The following TNPO3 variants were observed in gnomAD, a reference collection of about 807,000 sequenced individuals.
TNPO3 encodes the protein transportin 3.
A neutral mutation model predicts 122.8 loss-of-function variants in TNPO3; 65 were observed. The ratio of observed to expected loss-of-function variants is 0.53; its 90% CI spans 0.43 to 0.65. The LOEUF is 0.65. TNPO3 is among the 30% of genes least tolerant of loss of function. TNPO3 has a pLI of 0.00. For missense variants in TNPO3, 850 were observed against 1,136.7 expected, an observed-to-expected ratio of 0.75 and a Z score of 3.63; for synonymous variants, 372 against 411.2, an observed-to-expected ratio of 0.90 and a Z score of 1.15.
intron 16 of TNPO3, among the ~76,000 whole-genome samples, chr7:128,978,757 G>A (rs1274973608): frequency 1.3e-5 from 2 of 151,962 alleles, no homozygotes; most frequent in African/African-American, 4.8e-5. Context: ...TCAGCCTCCC[G>A]AGTAGCTAGG....
At chr7:128,990,261 CA>C (rs1563095397) in intron 10 of TNPO3, 161 bp from the exon 11 acceptor site, 1 of 764,270 alleles carries the variant, frequency 1.3e-6, no homozygotes, top group Non-Finnish European at 2.2e-6. Context: ...TTCAAATCTT[CA>C]AAAAAGAGGA....
intron 19 of TNPO3, among the ~76,000 whole-genome samples, chr7:128,971,786 C>G (rs1201455247): frequency 6.6e-6 from 1 of 152,226 alleles, no homozygotes; most frequent in East Asian, 1.9e-4. Context: ...AATTCTACCT[C>G]TAATTCATGG....
intron 4 of TNPO3, among the ~76,000 whole-genome samples, chr7:129,012,016 T>G (rs1292872750): frequency 6.8e-6 from 1 of 147,832 alleles, no homozygotes; most frequent in East Asian, 1.9e-4. Flanking sequence ...TTTTTTTTTT[T>G]TTTTTTTGAG....
chr7:128,967,617 G>A (rs1029408057), intron 20 of TNPO3, among the ~76,000 whole-genome samples: 19 of 152,200 alleles, frequency 1.2e-4, no homozygotes, highest in African/African-American at 2.7e-4. Context: ...AAGGGGCAGC[G>A]GGCATCATTT....
chr7:128,969,422 C>T (rs908272512), intron 20 of TNPO3, among the ~76,000 whole-genome samples: 2 of 152,038 alleles, frequency 1.3e-5, no homozygotes, highest in Non-Finnish European at 2.9e-5. Context: ...TTCTGTAAGA[C>T]AGCTCACTTT....
intron 1 of TNPO3, among the ~76,000 whole-genome samples, chr7:129,049,061 T>C (rs1808390479): frequency 6.6e-6 from 1 of 152,202 alleles, no homozygotes; most frequent in South Asian, 2.1e-4. Context: ...GAGAAGCAGG[T>C]AAGCCTTGAA....
At chr7:129,004,238 G>A (rs937156590) in intron 5 of TNPO3, among the ~76,000 whole-genome samples, 1 of 152,028 alleles carries the variant, frequency 6.6e-6, no homozygotes, top group Non-Finnish European at 1.5e-5. Flanking sequence ...GAGTAATAGC[G>A]CATCGGCATA....
chr7:129,018,101 T>C lies in TNPO3; in HGVS notation c.177A>G (p.Ser59=), dbSNP rs1426633586. 5 of 1,614,072 alleles carry C rather than the reference T, an allele frequency of 3.1e-6. No individual in the cohort carries two copies. Among genetic ancestry groups the C allele is most frequent in the Non-Finnish European group, 4.2e-6 (5 of 1,180,046 alleles). Reference sequence around the variant, plus strand: ...TCATGGTCTGTGCAGCAAAATAGCATGACTCCACATCCTGCCGGATCTGTA... The same window carrying C: ...TCATGGTCTGTGCAGCAAAATAGCACGACTCCACATCCTGCCGGATCTGTA... ...QLLQIRQDVE[S]CYFAAQTMKM... is the part of the protein sequence containing the mutation. Residue 59 remains serine (S), a synonymous_variant, in exon 2 of 23, where the codon TCA becomes TCG. Transcript: ENST00000265388.
intron 21 of TNPO3, among the ~76,000 whole-genome samples, chr7:128,959,254 T>A (rs779330338): frequency 2.7e-4 from 41 of 152,202 alleles, no homozygotes; most frequent in Non-Finnish European, 5.6e-4. Flanking sequence ...GGGACTAGGA[T>A]AACAGAAAAC....
Position 128,982,279 on chromosome 7 carries a change from C to T in TNPO3, c.1828G>A (p.Val610Met). ...ATCACTGCAAGGCGATCTAAGAACA[C>T]TGTGGGATCTGAGGATATGCCATTG... ...PSNGISSDPTVFLDRLAVIFR... is the reference protein window; with the variant it reads ...PSNGISSDPTMFLDRLAVIFR... Residue 610 changes from valine (V) to methionine (M), a missense_variant, in exon 14 of 23, where the codon GTG becomes ATG. Transcript: ENST00000265388. 6.2e-7 allele frequency: 1 copy of T among 1,613,432 alleles called. No homozygotes were observed. Among genetic ancestry groups the T allele is most frequent in the East Asian group, 2.2e-5 (1 of 44,844 alleles).
At chr7:128,963,305 G>C (rs1021706885) in intron 21 of TNPO3, among the ~76,000 whole-genome samples, 11 of 152,120 alleles carry the variant, frequency 7.2e-5, no homozygotes, top group Admixed American at 7.2e-4. Flanking sequence ...TTTCCCCTAG[G>C]TTCCCATTTG....
intron 1 of TNPO3, among the ~76,000 whole-genome samples, chr7:129,043,909 G>A (rs991138516): frequency 2.2e-4 from 34 of 152,170 alleles, no homozygotes; most frequent in African/African-American, 7.7e-4. Flanking sequence ...CCAAAATACA[G>A]AAAATTTATC....
intron 21 of TNPO3, 25 bp downstream of exon 21, chr7:128,967,255 C>G (rs1357733972): frequency 1.4e-6 from 2 of 1,421,706 alleles, no homozygotes; most frequent in Non-Finnish European, 2.0e-6. Flanking sequence ...CCCACACCTC[C>G]TTAAGAACCC....
chr7:129,007,438 AT>A (rs1802699202), intron 4 of TNPO3, among the ~76,000 whole-genome samples: 1 of 152,232 alleles, frequency 6.6e-6, no homozygotes, highest in African/African-American at 2.4e-5. Flanking sequence ...AATATTATAC[AT>A]TATTATCAGT....
chr7:128,960,207 T>C (rs1797307204), intron 21 of TNPO3, among the ~76,000 whole-genome samples: 1 of 152,106 alleles, frequency 6.6e-6, no homozygotes, highest in South Asian at 2.1e-4. Flanking sequence ...CTGCCAGTCA[T>C]ATAAAAGGAC....
intron 1 of TNPO3, among the ~76,000 whole-genome samples, chr7:129,027,194 G>A (rs1805292803): frequency 6.6e-6 from 1 of 152,056 alleles, no homozygotes; most frequent in African/African-American, 2.4e-5. Context: ...TCTCTCTCAT[G>A]ACATTTATCG....
chr7:128,995,709 A>AT (rs1801236922), intron 8 of TNPO3, among the ~76,000 whole-genome samples: 1 of 127,588 alleles, frequency 7.8e-6, no homozygotes, highest in Non-Finnish European at 1.7e-5. Context: ...ACTTTATTTT[A>AT]TTTTTTTGAG....
chr7:128,961,168 C>T (rs561191882), intron 21 of TNPO3, among the ~76,000 whole-genome samples: 4 of 152,058 alleles, frequency 2.6e-5, no homozygotes, highest in South Asian at 2.1e-4. Context: ...TGTCCTAGGC[C>T]GCCTATTCAC....
At chr7:129,036,585 C>A (rs1174825426) in intron 1 of TNPO3, among the ~76,000 whole-genome samples, 1 of 152,056 alleles carries the variant, frequency 6.6e-6, no homozygotes, top group Non-Finnish European at 1.5e-5. Flanking sequence ...TGTCAAATTT[C>A]TTGAGAGTGA....
Sources: gnomAD v4.1 joint callset for allele counts (sites outside exome capture counted in the v4.1 genomes callset) on GRCh38, gnomAD v4.1.1 for gene constraint, MANE v1.5 for transcripts, NCBI Gene and HGNC (gene_info 2026-07-23, HGNC 2026-07-21) for gene names.